FARSB: variants seen among roughly 807,000 people sequenced by gnomAD.
FARSB encodes phenylalanyl-tRNA synthetase subunit beta.
A neutral mutation model predicts 69.6 loss-of-function variants in FARSB; 40 were observed. That is an observed-to-expected ratio of 0.57 (90% confidence interval 0.45 to 0.75). The LOEUF (loss-of-function observed/expected upper bound fraction) is 0.75, where lower values mean the gene tolerates loss of function less well. FARSB is among the 30% of genes least tolerant of loss of function. The pLI is 0.00. For synonymous variants in FARSB, 235 were observed against 247.2 expected, an observed-to-expected ratio of 0.95 and a Z score of 0.46; for missense variants, 632 against 722.9, an observed-to-expected ratio of 0.87 and a Z score of 1.44.
intron 16 of FARSB, among the ~76,000 whole-genome samples, chr2:222,584,764 G>A (rs1223955850): frequency 2.0e-5 from 3 of 152,288 alleles, no homozygotes; most frequent in South Asian, 2.1e-4. Flanking sequence ...GTCCCAGATC[G>A]AACTGCAAGG....
chr2:222,606,549 C>G (rs36015125), intron 15 of FARSB, among the ~76,000 whole-genome samples: 22,293 of 152,188 alleles, frequency 0.15, 2,562 homozygotes, highest in East Asian at 0.56. Context: ...ATGTATTTCA[C>G]AGACTTCAAA....
In FARSB at chr2:222,656,007, G is replaced by A; in HGVS notation, c.58+9C>T. On this transcript the variant is annotated intron_variant, in intron 1 of 16. Coordinates refer to ENST00000281828, the MANE Select transcript of FARSB (RefSeq NM_005687.5). ...GGCGTAGGGCCCAACGTATAGGGCC[G>A]CCACTCACTGTAGGTGCGGCCCAGG... 2 of 1,590,914 alleles carry A rather than the reference G, an allele frequency of 1.3e-6. No individual in the cohort carries two copies. Among genetic ancestry groups the A allele is most frequent in the African/African-American group, 1.3e-5 (1 of 74,242 alleles).
rs373734137 is a variant in FARSB at position 222,609,792 on chromosome 2, G to T, written c.1462+4019C>A. On this transcript the variant is annotated intron_variant, in intron 15 of 16. Coordinates refer to ENST00000281828, the MANE Select transcript of FARSB (RefSeq NM_005687.5). The stretch of plus-strand genomic sequence containing the variant: ...TTAGAATAAGAAACTGTCCAACGAG[G>T]TCAAGCATGAAAATAGGGCTAGGAG... Among the ~76,000 whole-genome samples the T allele has an allele frequency of 9.7e-4, 147 of 152,280 alleles. 2 individuals are homozygous for T. In the South Asian group the frequency reaches 0.03, roughly 31 times the overall value.
At chr2:222,648,831 C>T in intron 1 of FARSB, 36 bp from the exon 2 acceptor site, 1 of 1,396,870 alleles carries the variant, frequency 7.2e-7, no homozygotes, top group Non-Finnish European at 1.0e-6. Context: ...TAATTTCACT[C>T]TGTTCAGTAT....
At chr2:222,589,114 A>G (rs1690196205) in intron 16 of FARSB, among the ~76,000 whole-genome samples, 1 of 152,240 alleles carries the variant, frequency 6.6e-6, no homozygotes, top group African/African-American at 2.4e-5. Flanking sequence ...TTCAAACTAT[A>G]CTACAAGGCT....
intron 15 of FARSB, 22 bp from the exon 16 acceptor site, chr2:222,600,105 T>TTAATA: frequency 6.3e-7 from 1 of 1,594,236 alleles, no homozygotes; most frequent in South Asian, 1.1e-5. Context: ...AAGGAACTGG[T>TTAATA]CACAACGCTG....
Position 222,631,588 on chromosome 2 carries a change from TA to T in FARSB, c.786+15del. 1.4e-6 allele frequency: 2 copies of T among 1,379,728 alleles called. No individual in the cohort carries two copies. Among genetic ancestry groups the T allele is most frequent in the Non-Finnish European group, 2.1e-6 (2 of 968,498 alleles). 85.5% of individuals were successfully genotyped at this position (1,379,728 alleles called of 1,614,324 possible). On this transcript the variant is annotated intron_variant, in intron 8 of 16. Transcript: ENST00000281828. ...CCCAGCTGATCATACAAAAATTGAG[TA>T]AAAGTTTTACTTACCTTAGTAAAGT...
At chr2:222,644,984 CA>C (rs59437360) in intron 2 of FARSB, among the ~76,000 whole-genome samples, 49,372 of 136,572 alleles carry the variant, frequency 0.36, 8,351 homozygotes, top group Middle Eastern at 0.47. Flanking sequence ...AATTCCTTTG[CA>C]AAAAAAAAAA....
rs778432967 is a variant in FARSB, at chr2:222,572,005, C to G, written c.1636G>C (p.Gly546Arg). The G allele has an allele frequency of 8.1e-6, 13 of 1,611,774 alleles. No individual in the cohort carries two copies. The South Asian group carries it at 1.4e-4, about 18-fold the overall frequency. The change falls in exon 17 of 17, where the codon GGG becomes CGG. Residue 546 changes from glycine to arginine, a missense_variant. Coordinates refer to ENST00000281828, the MANE Select transcript of FARSB (RefSeq NM_005687.5). ...CTGGCAAAGATCTCTGCACATCGCC[C>G]GGGGAAGAAAGCAGGCCCTGAAAAA... ...KASEGPAFFPGRCAEIFARGQ... is the reference protein window; with the variant it reads ...KASEGPAFFPRRCAEIFARGQ...
At chr2:222,598,667 A>G (rs919310083) in intron 16 of FARSB, among the ~76,000 whole-genome samples, 1 of 152,184 alleles carries the variant, frequency 6.6e-6, no homozygotes, top group Non-Finnish European at 1.5e-5. Context: ...AAACTGGTGA[A>G]TGAGTATATA....
intron 13 of FARSB, among the ~76,000 whole-genome samples, chr2:222,621,551 GTTTAT>G (rs1331256554): frequency 1.3e-5 from 2 of 152,096 alleles, no homozygotes; most frequent in East Asian, 3.8e-4. Context: ...ATATTTATGT[GTTTAT>G]TTTAATGTGT....
chr2:222,642,441 G>C (rs768006082), intron 3 of FARSB, among the ~76,000 whole-genome samples: 1 of 152,172 alleles, frequency 6.6e-6, no homozygotes, highest in African/African-American at 2.4e-5. Context: ...TTCCAGTTAG[G>C]AGGCTTCACT....
rs1689662750 is a variant in FARSB at position 222,568,192 on chromosome 2, G to A, written c.*3679C>T. On this transcript the variant is annotated 3_prime_UTR_variant, in exon 17 of 17. Transcript: ENST00000281828. The surrounding 1 kb of genome is among the most constrained non-coding windows in gnomAD (Gnocchi z 4.3). ...GTTAGTTACTTCAGGGAATCAGGAGGAAGAAAGGTAGATTAACTCAGTAAG... is the reference window on the plus strand; with the variant it reads ...GTTAGTTACTTCAGGGAATCAGGAGAAAGAAAGGTAGATTAACTCAGTAAG... 6.6e-6 allele frequency: 1 copy of A among 152,152 alleles called. No homozygotes were observed. The highest frequency in any genetic ancestry group is 1.5e-5 in the Non-Finnish European group (1 of 68,026). The allele number at this position is 152,152 out of a possible 1,614,324, so 9.4% of individuals were successfully genotyped here.
chr2:222,624,502 A>G lies in FARSB; in HGVS notation c.963-23T>C, dbSNP rs1207233321. The G allele has an allele frequency of 1.5e-5, 22 of 1,469,584 alleles. No homozygotes were observed. The Admixed American group carries it at 2.2e-4, about 15-fold the overall frequency. The allele number at this position is 1,469,584 out of a possible 1,614,324, so 91.0% of individuals were successfully genotyped here. ...TCTCTGAAAAAGGAATGAACAAACC[A>G]TAAACTTCATTGGATTATTTTTTTA... On this transcript the variant is annotated intron_variant, in intron 11 of 16. Transcript: ENST00000281828.
At position 222,632,914 on chromosome 2, in the gene FARSB, T is replaced by C. The variant is rs13009500; in HGVS notation, c.715+285A>G. ...CTTTGAGTTTAACCAAGTGAATTAC[T>C]TGCTAAAACCAAAACATCAATAACC... On this transcript the variant is annotated intron_variant, in intron 7 of 16. Transcript: ENST00000281828. Among the ~76,000 whole-genome samples, 48,467 of 151,488 alleles carry C rather than the reference T, an allele frequency of 0.32. 8,009 individuals carry two copies. The highest frequency in any genetic ancestry group is 0.45 in the Middle Eastern group (130 of 290).
At chr2:222,630,286 C>T (rs530914768) in intron 8 of FARSB, 112 bp from the exon 9 acceptor site, 11 of 560,306 alleles carry the variant, frequency 2.0e-5, no homozygotes, top group East Asian at 7.2e-5. Flanking sequence ...TGGACCTTTA[C>T]GTATACATTT....
At chr2:222,574,933 T>C (rs890401483) in intron 16 of FARSB, among the ~76,000 whole-genome samples, 8 of 152,152 alleles carry the variant, frequency 5.3e-5, no homozygotes, top group Admixed American at 3.9e-4. Context: ...AAACTAGAAA[T>C]ACTGAAGGAA....
chr2:222,619,526 A>G (rs1201729397), intron 14 of FARSB, 119 bp downstream of exon 14: 4 of 611,210 alleles, frequency 6.5e-6, no homozygotes, highest in Non-Finnish European at 1.2e-5. Flanking sequence ...ACCCAAGAAG[A>G]TATTATTAAA....
chr2:222,595,976 A>G (rs1357458375), intron 16 of FARSB, among the ~76,000 whole-genome samples: 1 of 152,102 alleles, frequency 6.6e-6, no homozygotes, highest in Non-Finnish European at 1.5e-5. Context: ...AAATATTTGG[A>G]GTTGAACCCT....
Sources: gnomAD v4.1 joint callset for allele counts (sites outside exome capture counted in the v4.1 genomes callset) on GRCh38, gnomAD v4.1.1 for gene constraint, Gnocchi (gnomAD v3.1) non-coding constraint, MANE v1.5 for transcripts, NCBI Gene and HGNC (gene_info 2026-07-23, HGNC 2026-07-21) for gene names.